Variants in TNRC18 observed in about 807,000 individuals in gnomAD.
TNRC18 encodes trinucleotide repeat-containing gene 18 protein.
TNRC18 carries 69 observed loss-of-function variants against 226.7 expected under a neutral mutation model. The ratio of observed to expected loss-of-function variants is 0.30; its 90% CI spans 0.25 to 0.37. The LOEUF (loss-of-function observed/expected upper bound fraction) is 0.37. Ranked by LOEUF, TNRC18 falls within the 10% of genes least tolerant of loss-of-function variation. TNRC18 has a pLI of 1.00. For missense variants in TNRC18, 4,754 were observed against 4,256.6 expected (o/e 1.12, Z -3.25); for synonymous variants, 2,449 against 1,927.6 (o/e 1.27, Z -7.09).
chr7:5,389,080 C>G lies in TNRC18; in HGVS notation c.744G>C (p.Glu248Asp). 2 of 1,281,438 alleles carry G rather than the reference C, an allele frequency of 1.6e-6. No homozygotes were observed. Among genetic ancestry groups the G allele is most frequent in the Non-Finnish European group, 2.0e-6 (2 of 1,007,332 alleles). 79.4% of individuals were successfully genotyped at this position (1,281,438 alleles called of 1,614,324 possible). Residue 248 changes from glutamate (E) to aspartate (D), a missense_variant, in exon 5 of 30, where the codon GAG becomes GAC. Transcript: ENST00000430969. ...GCGGGGGCCCCCGGTCCTGGCGGCC[C>G]TCGGCGCGCGCCTCCTGGGTCAGGT... ...VVDLTQEARA[E>D]GRQDRGPPRL...
intron 5 of TNRC18, among the ~76,000 whole-genome samples, chr7:5,385,982 C>CAAAAAAA (rs1160231238): frequency 1.7e-4 from 7 of 41,530 alleles, no homozygotes; most frequent in African/African-American, 4.8e-4. Context: ...AAGTCTGTCT[C>CAAAAAAA]AAAAAAAAAA....
chr7:5,388,792 C>T lies in TNRC18; in HGVS notation c.1032G>A (p.Gly344=), dbSNP rs1476734081. Residue 344 remains glycine (G), a synonymous_variant, in exon 5 of 30, where the codon GGG becomes GGA. Coordinates refer to ENST00000430969, the MANE Select transcript of TNRC18 (RefSeq NM_001080495.3). ...PLPPPPAPPK[G]PPAPPAATPA... ...GGGTGGCCGCGGGGGGTGCAGGAGG[C>T]CCCTTGGGGGGCGCGGGCGGCGGGG... 5.0e-6 allele frequency: 6 copies of T among 1,207,038 alleles called. No homozygotes were observed. The highest frequency in any genetic ancestry group is 2.8e-5 in the South Asian group (1 of 35,228). The allele number at this position is 1,207,038 out of a possible 1,614,324, so 74.8% of individuals were successfully genotyped here. A position where few individuals can be genotyped will look rare whatever the true frequency, so the allele number is the denominator to read the frequency against.
rs1167783598 is a variant in TNRC18, at chr7:5,311,059, G to A, written c.8388+1444C>T. Among the ~76,000 whole-genome samples the A allele has an allele frequency of 9.9e-5, 15 of 152,246 alleles. 1 individual carries two copies. The highest frequency in any genetic ancestry group is 2.2e-4 in the Non-Finnish European group (15 of 68,038). ...AAGTGTGCATTTGTGTGGGTGTAGT[G>A]TATTTGCATATGTGTGCATGTTCAT... On this transcript the variant is annotated intron_variant, in intron 27 of 29. Transcript: ENST00000430969.
chr7:5,371,124 T>C lies in TNRC18; in HGVS notation c.3470A>G (p.Glu1157Gly). 6.2e-7 allele frequency: 1 copy of C among 1,611,752 alleles called. No homozygotes were observed. Reference protein sequence around the residue: ...GPEEEPLAEREVKAEVEDMDE... With the variant: ...GPEEEPLAERGVKAEVEDMDE... ...CATGTCCTCCACCTCTGCCTTCACC[T>C]CCCGCTCAGCCAGCGGTTCTTCCTC... Residue 1157 changes from glutamate (E) to glycine (G), a missense_variant, in exon 11 of 30, where the codon GAG (glutamate) becomes GGG (glycine). Glu to Gly is a moderately conservative substitution (Grantham distance 98). Transcript: ENST00000430969.
At position 5,321,177 on chromosome 7, in the gene TNRC18, G is replaced by A; in HGVS notation, c.6456C>T (p.Cys2152=). 3 of 1,548,864 alleles carry A rather than the reference G, an allele frequency of 1.9e-6. No homozygotes were observed. Among genetic ancestry groups the A allele is most frequent in the South Asian group, 1.2e-5 (1 of 83,956 alleles). Residue 2152 remains cysteine, a synonymous_variant, in exon 22 of 30, where the codon TGC becomes TGT. Coordinates refer to ENST00000430969, the MANE Select transcript of TNRC18 (RefSeq NM_001080495.3). The part of the protein sequence containing the change: ...ERPLTPAPRS[C]IIDKDELKDG... ...CCTTCAGCTCATCCTTGTCGATGAT[G>A]CAGGAGCGAGGGGCTGCAGGGGTTG...
chr7:5,308,063 T>C lies in TNRC18; in HGVS notation c.*43A>G. On this transcript the variant is annotated 3_prime_UTR_variant, in exon 30 of 30. Coordinates refer to ENST00000430969, the MANE Select transcript of TNRC18 (RefSeq NM_001080495.3). Reference sequence around the variant, plus strand: ...CATGGCAGTGATGGAGATGGGTCCCTGGCCGCCCTCGGGGCACAGGTGGCC... The same window carrying C: ...CATGGCAGTGATGGAGATGGGTCCCCGGCCGCCCTCGGGGCACAGGTGGCC... 1.3e-6 allele frequency: 2 copies of C among 1,526,450 alleles called. No individual in the cohort carries two copies. The highest frequency in any genetic ancestry group is 8.8e-7 in the Non-Finnish European group (1 of 1,130,038). 94.6% of individuals were successfully genotyped at this position (1,526,450 alleles called of 1,614,324 possible).
chr7:5,360,993 C>T (rs985958943), intron 14 of TNRC18, among the ~76,000 whole-genome samples: 1 of 152,196 alleles, frequency 6.6e-6, no homozygotes, highest in Non-Finnish European at 1.5e-5. Flanking sequence ...GGCCCCTTTC[C>T]GATCGTGCTA....
Position 5,309,491 on chromosome 7 carries a change from G to A in TNRC18, c.8389-123C>T. On this transcript the variant is annotated intron_variant, in intron 27 of 29. Coordinates refer to ENST00000430969, the MANE Select transcript of TNRC18 (RefSeq NM_001080495.3). The surrounding 1 kb of genome is among the most constrained non-coding windows in gnomAD (Gnocchi z 5.7). ...TCTAAATCAACCCCTATCCAACTGTGGGGAGATGAGGAAGCTCCTTGTCTC... is the reference window on the plus strand; with the variant it reads ...TCTAAATCAACCCCTATCCAACTGTAGGGAGATGAGGAAGCTCCTTGTCTC... 1.3e-6 allele frequency: 1 copy of A among 772,546 alleles called. No homozygotes were observed. Among genetic ancestry groups the A allele is most frequent in the African/African-American group, 1.8e-5 (1 of 57,016 alleles). The allele number at this position is 772,546 out of a possible 1,614,324, so 47.9% of individuals were successfully genotyped here. A position where few individuals can be genotyped will look rare whatever the true frequency, so the allele number is the denominator to read the frequency against.
chr7:5,307,851 C>CTGAT lies in TNRC18; in HGVS notation c.*251_*254dup, dbSNP rs1786707210. Reference sequence around the variant, plus strand: ...CAGGAAGGGCCGGTCCGGCCATACCCTGATAGCTAAGAGGGGCCCCTGTCC... The same window carrying CTGAT: ...CAGGAAGGGCCGGTCCGGCCATACCCTGATTGATAGCTAAGAGGGGCCCCTGTCC... On this transcript the variant is annotated 3_prime_UTR_variant, in exon 30 of 30. Coordinates refer to ENST00000430969, the MANE Select transcript of TNRC18 (RefSeq NM_001080495.3). 4 of 548,664 alleles carry CTGAT rather than the reference C, an allele frequency of 7.3e-6. No individual in the cohort carries two copies. Among genetic ancestry groups the CTGAT allele is most frequent in the East Asian group, 6.2e-5 (2 of 32,390 alleles). 34.0% of individuals were successfully genotyped at this position (548,664 alleles called of 1,614,324 possible).
intron 16 of TNRC18, among the ~76,000 whole-genome samples, chr7:5,352,644 C>A (rs1791946397): frequency 6.6e-6 from 1 of 152,262 alleles, no homozygotes; most frequent in African/African-American, 2.4e-5. Context: ...CTAGCAGATC[C>A]CTTGCCCTTC....
Position 5,377,255 on chromosome 7 carries a change from A to C in TNRC18, c.2461+116T>G. On this transcript the variant is annotated intron_variant, in intron 7 of 29. Coordinates refer to ENST00000430969, the MANE Select transcript of TNRC18 (RefSeq NM_001080495.3). The surrounding 1 kb of genome is among the most constrained non-coding windows in gnomAD (Gnocchi z 5.8). ...CCTTCTTCCGACGAATGCGGGAGGC[A>C]GGCCCAGGCCCCCCAGGAAACGGCA... is the stretch of plus-strand genomic sequence containing the variant. 2 of 1,201,648 alleles carry C rather than the reference A, an allele frequency of 1.7e-6. No homozygotes were observed. Among genetic ancestry groups the C allele is most frequent in the Non-Finnish European group, 2.3e-6 (2 of 875,366 alleles). The allele number at this position is 1,201,648 out of a possible 1,614,324, so 74.4% of individuals were successfully genotyped here. A position where few individuals can be genotyped will look rare whatever the true frequency, so the allele number is the denominator to read the frequency against.
rs1466682033 is a variant in TNRC18 at position 5,312,313 on chromosome 7, G to A, written c.8388+190C>T. ...TGCTCTGAAGGACTCGGGCATCGGA[G>A]TCCGACAGACCCAGGTGCCTGAGGA... is the stretch of plus-strand genomic sequence containing the variant. On this transcript the variant is annotated intron_variant, in intron 27 of 29. Coordinates refer to ENST00000430969, the MANE Select transcript of TNRC18 (RefSeq NM_001080495.3). This position sits in a 1 kb window ranked among gnomAD's most constrained non-coding sequence, Gnocchi z 6.3. Among the ~76,000 whole-genome samples, 1 of 152,202 alleles carries A rather than the reference G, an allele frequency of 6.6e-6. No individual in the cohort carries two copies. The highest frequency in any genetic ancestry group is 2.4e-5 in the African/African-American group (1 of 41,456).
chr7:5,342,946 T>A (rs140318232), intron 18 of TNRC18, among the ~76,000 whole-genome samples: 8 of 152,318 alleles, frequency 5.3e-5, no homozygotes, highest in Admixed American at 2.0e-4. Flanking sequence ...GCCATCAACA[T>A]CGAGGCAAGA....
chr7:5,416,677 A>G (rs1276381952), intron 2 of TNRC18, among the ~76,000 whole-genome samples: 1 of 150,502 alleles, frequency 6.6e-6, no homozygotes, highest in African/African-American at 2.4e-5. Flanking sequence ...CCAACACGGT[A>G]AAACTCCGTC....
intron 2 of TNRC18, among the ~76,000 whole-genome samples, chr7:5,418,312 C>T (rs1782317618): frequency 6.6e-6 from 1 of 152,192 alleles, no homozygotes; most frequent in Non-Finnish European, 1.5e-5. Flanking sequence ...CTTCCCTGAT[C>T]CCAAACCCCA....
intron 11 of TNRC18, among the ~76,000 whole-genome samples, chr7:5,365,171 TC>T (rs1793491872): frequency 6.6e-6 from 1 of 152,120 alleles, no homozygotes; most frequent in African/African-American, 2.4e-5. Flanking sequence ...TGGCTGGAGT[TC>T]ACCATCACAC....
In TNRC18 at chr7:5,332,995, G is replaced by A. The variant is rs191441128; in HGVS notation, c.5774C>T (p.Ser1925Leu). The A allele has an allele frequency of 3.8e-6, 6 of 1,574,116 alleles. No individual in the cohort carries two copies. The highest frequency in any genetic ancestry group is 2.3e-5 in the East Asian group (1 of 43,562). Residue 1925 changes from serine to leucine, a missense_variant, in exon 19 of 30, where the codon TCG (serine) becomes TTG (leucine). Transcript: ENST00000430969. Reference sequence around the variant, plus strand: ...CTTGGGCCGCAGCAGCCCCGCAGGCGACCGCTTGCGCACCTTGACCTCGCT... The same window carrying A: ...CTTGGGCCGCAGCAGCCCCGCAGGCAACCGCTTGCGCACCTTGACCTCGCT... ...SESEVKVRKR[S>L]PAGLLRPKKG...
intron 2 of TNRC18, among the ~76,000 whole-genome samples, chr7:5,395,791 A>G (rs1478245997): frequency 6.6e-6 from 1 of 152,196 alleles, no homozygotes; most frequent in African/African-American, 2.4e-5. Flanking sequence ...GGAGTTAGAG[A>G]CCAGCCTCAC....
intron 11 of TNRC18, among the ~76,000 whole-genome samples, chr7:5,367,989 A>C (rs1035812264): frequency 6.6e-6 from 1 of 151,818 alleles, no homozygotes; most frequent in Non-Finnish European, 1.5e-5. Context: ...TCCCAGGCAA[A>C]TCAGAGATAC....
Sources: gnomAD v4.1 joint callset for allele counts (sites outside exome capture counted in the v4.1 genomes callset) on GRCh38, gnomAD v4.1.1 for gene constraint, Gnocchi (gnomAD v3.1) non-coding constraint, MANE v1.5 for transcripts, NCBI Gene and HGNC (gene_info 2026-07-23, HGNC 2026-07-21) for gene names.